Variants in CCNB1IP1 observed in about 807,000 individuals in gnomAD.
The protein encoded by CCNB1IP1 is cyclin B1 interacting protein 1, also known as E3 ubiquitin-protein ligase CCNB1IP1.
Under a neutral mutation model 25.6 loss-of-function variants are expected in CCNB1IP1, and 14 were observed. The observed-to-expected ratio is 0.55, with a 90% CI of 0.36 to 0.85. CCNB1IP1 has a LOEUF of 0.85. CCNB1IP1 is among the 40% of genes least tolerant of loss of function. The probability of loss-of-function intolerance (pLI) is 0.01; values close to 1 mark genes in which losing one functional copy is unlikely to be tolerated. For synonymous variants in CCNB1IP1, 119 were observed against 116.1 expected (o/e 1.02, Z -0.16); for missense variants, 278 against 342.4 (o/e 0.81, Z 1.48).
intron 6 of CCNB1IP1, among the ~76,000 whole-genome samples, chr14:20,312,690 GGA>G (rs1225478218): frequency 6.6e-6 from 1 of 151,522 alleles, no homozygotes; most frequent in Non-Finnish European, 1.5e-5. Context: ...GTAGTATAAA[GGA>G]GAGAGCTCAG....
chr14:20,326,415 G>C (rs1225683339), intron 3 of CCNB1IP1: 1 of 517,964 alleles, frequency 1.9e-6, no homozygotes, highest in African/African-American at 1.9e-5. Flanking sequence ...ATTCCAACAA[G>C]CAGAATTCAA....
At chr14:20,311,906 G>A (rs993181833) in intron 6 of CCNB1IP1, among the ~76,000 whole-genome samples, 154 bp from the exon 7 acceptor site, 3 of 151,318 alleles carry the variant, frequency 2.0e-5, no homozygotes, top group Non-Finnish European at 2.9e-5. Flanking sequence ...TTTACCCCAG[G>A]TTAAGAATTT....
rs762138373 is a variant in CCNB1IP1, at chr14:20,316,519, G to C, written c.5C>G (p.Ser2Cys). 2.5e-6 allele frequency: 4 copies of C among 1,604,116 alleles called. No individual in the cohort carries two copies. Among genetic ancestry groups the C allele is most frequent in the Non-Finnish European group, 2.5e-6 (3 of 1,178,428 alleles). The change falls in exon 5 of 7, where the codon TCT becomes TGT. Residue 2 changes from serine to cysteine, a missense_variant. By Grantham distance (112) the Ser-to-Cys change is moderately radical. Transcript: ENST00000358932. ...ACAAAGCAGCATGTCTTCACACAAA[G>C]ACATAATAGGATAGTGAGGTCTCCA... The part of the protein sequence containing the change: M[S>C]LCEDMLLCNY...
chr14:20,330,326 G>A (rs1594285607), intron 1 of CCNB1IP1, among the ~76,000 whole-genome samples: 1 of 151,938 alleles, frequency 6.6e-6, no homozygotes, highest in South Asian at 2.1e-4. Flanking sequence ...TAGACACTAG[G>A]TACTCCAAAA....
chr14:20,314,866 C>T (rs113885350), intron 5 of CCNB1IP1, among the ~76,000 whole-genome samples: 2,105 of 151,256 alleles, frequency 0.014, 58 homozygotes, highest in African/African-American at 0.049. Context: ...CAGAGGTGGG[C>T]GGATCATGAG....
At chr14:20,312,530 C>A (rs1375970478) in intron 6 of CCNB1IP1, among the ~76,000 whole-genome samples, 2 of 151,866 alleles carry the variant, frequency 1.3e-5, no homozygotes, top group Non-Finnish European at 1.5e-5. Context: ...ATCAGCTCCT[C>A]CCCTATTAAA....
chr14:20,325,276 C>T (rs1883036516), intron 4 of CCNB1IP1, among the ~76,000 whole-genome samples: 1 of 146,638 alleles, frequency 6.8e-6, no homozygotes, highest in Non-Finnish European at 1.5e-5. Flanking sequence ...AAAAAATTAG[C>T]CGGGCGTAGT....
At chr14:20,315,587 G>A (rs1270307256) in intron 5 of CCNB1IP1, 1 of 1,285,190 alleles carries the variant, frequency 7.8e-7, no homozygotes, top group African/African-American at 1.5e-5. Flanking sequence ...CATGCTTAAA[G>A]TCATCCACAG....
chr14:20,317,700 T>G (rs1882756005), intron 4 of CCNB1IP1: 1 of 152,160 alleles, frequency 6.6e-6, no homozygotes, highest in Non-Finnish European at 1.5e-5. Flanking sequence ...AGGGGCAAGT[T>G]TTAGAGAAAC....
chr14:20,317,052 T>C (rs1454889745), intron 4 of CCNB1IP1, among the ~76,000 whole-genome samples: 1 of 151,660 alleles, frequency 6.6e-6, no homozygotes, highest in African/African-American at 2.4e-5. Flanking sequence ...GAGGTTGCAG[T>C]GAAGTGAGAT....
chr14:20,324,754 A>G (rs1266107053), intron 4 of CCNB1IP1, among the ~76,000 whole-genome samples: 1 of 152,210 alleles, frequency 6.6e-6, no homozygotes, highest in Admixed American at 6.5e-5. Context: ...GTGATAGAGC[A>G]TGCGTTTGAA....
Position 20,314,092 on chromosome 14 carries a change from T to C in CCNB1IP1, c.298-291A>G, listed in dbSNP as rs1365249971. The C allele has an allele frequency of 1.2e-5, 3 of 247,110 alleles. No individual in the cohort carries two copies. The Admixed American group carries it at 1.5e-4, about 12-fold the overall frequency. 15.3% of individuals were successfully genotyped at this position (247,110 alleles called of 1,614,324 possible). A position where few individuals can be genotyped will look rare whatever the true frequency, so the allele number is the denominator to read the frequency against. Reference sequence around the variant, plus strand: ...CAAGTGACATGTTTTCCAAAGGTTTTTAAGAAATATAATCCCATTTTTCAA... The same window carrying C: ...CAAGTGACATGTTTTCCAAAGGTTTCTAAGAAATATAATCCCATTTTTCAA... On this transcript the variant is annotated intron_variant, in intron 5 of 6. Coordinates refer to ENST00000358932, the MANE Select transcript of CCNB1IP1 (RefSeq NM_021178.5).
At chr14:20,329,526 T>C (rs1883173620) in intron 1 of CCNB1IP1, 153 bp from the exon 2 acceptor site, 1 of 152,250 alleles carries the variant, frequency 6.6e-6, no homozygotes, top group South Asian at 2.1e-4. Flanking sequence ...GTTTCCTTCC[T>C]TTTTAAGGCA....
Position 20,332,395 on chromosome 14 carries a change from T to G in CCNB1IP1, c.-431+859A>C, listed in dbSNP as rs542732014. On this transcript the variant is annotated intron_variant, in intron 1 of 6. Transcript: ENST00000358932. Reference sequence around the variant, plus strand: ...TCAGTGAAATGACATTGAAGGTCACTAAGCAAACTTTTTATGAGAAAACAG... The same window carrying G: ...TCAGTGAAATGACATTGAAGGTCACGAAGCAAACTTTTTATGAGAAAACAG... Among the ~76,000 whole-genome samples the G allele has an allele frequency of 4.6e-3, 454 of 99,294 alleles. 3 individuals carry two copies. Among genetic ancestry groups the G allele is most frequent in the Non-Finnish European group, 6.0e-3 (312 of 51,812 alleles). The allele number at this position is 99,294 out of a possible 152,430, so 65.1% of individuals were successfully genotyped here. A position where few individuals can be genotyped will look rare whatever the true frequency, so the allele number is the denominator to read the frequency against.
Position 20,311,573 on chromosome 14 carries a change from C to T in CCNB1IP1, c.811G>A (p.Ala271Thr). Residue 271 changes from alanine (A) to threonine (T), a missense_variant, in exon 7 of 7, where the codon GCC (alanine) becomes ACC (threonine). By Grantham distance (58) the Ala-to-Thr change is moderately conservative (BLOSUM62 0). Coordinates refer to ENST00000358932, the MANE Select transcript of CCNB1IP1 (RefSeq NM_021178.5). Reference protein sequence around the residue: ...ELEQQQVSSRAFKVKRI With the variant: ...ELEQQQVSSRTFKVKRI ...GCTCAAATTCTTTTTACTTTGAAGG[C>T]CCTGCTAGAAACTTGCTGCTGCTCT... 6.2e-7 allele frequency: 1 copy of T among 1,613,482 alleles called. No individual in the cohort carries two copies.
chr14:20,317,286 G>C (rs2138849950), intron 4 of CCNB1IP1, among the ~76,000 whole-genome samples: 1 of 150,122 alleles, frequency 6.7e-6, no homozygotes, highest in South Asian at 2.1e-4. Context: ...GGCGCCTGTA[G>C]TCCCAGCTAC....
chr14:20,330,577 C>G (rs1463342326), intron 1 of CCNB1IP1: 1 of 152,110 alleles, frequency 6.6e-6, no homozygotes, highest in Non-Finnish European at 1.5e-5. Context: ...AAGGGCCCTT[C>G]CAACTCCAAG....
At chr14:20,327,782 T>A (rs1883120710) in intron 2 of CCNB1IP1, among the ~76,000 whole-genome samples, 1 of 152,072 alleles carries the variant, frequency 6.6e-6, no homozygotes. Context: ...GAAATTAACA[T>A]ACCACCAAAT....
rs369049939 is a variant in CCNB1IP1 at position 20,313,760 on chromosome 14, C to A, written c.339G>T (p.Lys113Asn). The change falls in exon 6 of 7, where the codon AAG (lysine) becomes AAT (asparagine). Residue 113 changes from lysine to asparagine, a missense_variant. Transcript: ENST00000358932. ...ERLYQEYNFS[K>N]AEGHLKQMEK... ...CCATCTGTTTCAGATGGCCCTCAGC[C>A]TTGCTGAAATTGTATTCTTGATAGA... 6.3e-7 allele frequency: 1 copy of A among 1,597,598 alleles called. No individual in the cohort carries two copies. Among genetic ancestry groups the A allele is most frequent in the Non-Finnish European group, 8.5e-7 (1 of 1,172,586 alleles).
Sources: gnomAD v4.1 joint callset for allele counts (sites outside exome capture counted in the v4.1 genomes callset) on GRCh38, gnomAD v4.1.1 for gene constraint, MANE v1.5 for transcripts, NCBI Gene and HGNC (gene_info 2026-07-23, HGNC 2026-07-21) for gene names.